SYT1: variants seen among roughly 807,000 people sequenced by gnomAD.
The protein encoded by SYT1 is synaptotagmin-1.
In SYT1, 8 loss-of-function variants were observed where a neutral mutation model predicts 44.8. That is an observed-to-expected ratio of 0.18 (90% CI 0.10 to 0.32). The LOEUF (loss-of-function observed/expected upper bound fraction) is 0.32, where lower values mean the gene tolerates loss of function less well. Among genes scored for constraint, SYT1 ranks in the 10% least tolerant of loss-of-function variants. The pLI, the probability that SYT1 is intolerant of heterozygous loss-of-function variation, is 1.00. For synonymous variants in SYT1, 154 were observed against 188.8 expected (o/e 0.82, Z 1.51); for missense variants, 286 against 509.3 (o/e 0.56, Z 4.22).
intron 3 of SYT1, among the ~76,000 whole-genome samples, chr12:79,083,190 G>A (rs1877153334): frequency 6.6e-6 from 1 of 152,106 alleles, no homozygotes; most frequent in African/African-American, 2.4e-5. Context: ...AAGCTCACTA[G>A]CAACTTCTGA....
intron 1 of SYT1, among the ~76,000 whole-genome samples, chr12:78,957,648 C>A (rs1273105529): frequency 6.6e-6 from 1 of 152,046 alleles, no homozygotes; most frequent in Non-Finnish European, 1.5e-5. Context: ...CTTTGCATTT[C>A]TTTGGGAGTC....
intron 1 of SYT1, among the ~76,000 whole-genome samples, chr12:78,953,128 G>A (rs893862075): frequency 1.3e-5 from 2 of 152,082 alleles, no homozygotes; most frequent in African/African-American, 4.8e-5. Flanking sequence ...AATAAAAAGA[G>A]CGGTGGTAGG....
Position 79,443,178 on chromosome 12 carries a change from G to A in SYT1, c.929-895G>A, listed in dbSNP as rs542574733. Among the ~76,000 whole-genome samples the A allele has an allele frequency of 1.8e-4, 28 of 152,238 alleles. 1 individual carries two copies. The highest frequency in any genetic ancestry group is 6.3e-4 in the African/African-American group (26 of 41,560). On this transcript the variant is annotated intron_variant, in intron 9 of 10. Transcript: ENST00000261205. The stretch of plus-strand genomic sequence containing the variant: ...ATGCTCCTTTTCCCATTACTTCAGT[G>A]TGTACCGGTCTCTTCTCTTTTCCTC...
chr12:79,049,852 A>G (rs937811950), intron 3 of SYT1, among the ~76,000 whole-genome samples: 1 of 152,094 alleles, frequency 6.6e-6, no homozygotes, highest in Admixed American at 6.6e-5. Flanking sequence ...TGATTAAAAT[A>G]TTACTATAAT....
At chr12:79,282,601 A>C (rs991557820) in intron 4 of SYT1, among the ~76,000 whole-genome samples, 2 of 152,082 alleles carry the variant, frequency 1.3e-5, no homozygotes, top group African/African-American at 4.8e-5. Context: ...TGTATTTAAA[A>C]AATCACTGCA....
At chr12:79,438,051 T>C (rs912932573) in intron 9 of SYT1, among the ~76,000 whole-genome samples, 5 of 152,124 alleles carry the variant, frequency 3.3e-5, no homozygotes, top group African/African-American at 9.7e-5. Context: ...AGGAATTATC[T>C]GGAAAAGAGA....
intron 9 of SYT1, among the ~76,000 whole-genome samples, chr12:79,413,841 A>T (rs1485186339): frequency 6.6e-6 from 1 of 152,238 alleles, no homozygotes; most frequent in East Asian, 1.9e-4. Flanking sequence ...GGTACAAATA[A>T]AAACAGGAAG....
chr12:79,290,912 C>T (rs1008387302), intron 5 of SYT1, among the ~76,000 whole-genome samples: 1 of 151,996 alleles, frequency 6.6e-6, no homozygotes, highest in African/African-American at 2.4e-5. Flanking sequence ...TCTTTTCAAC[C>T]TCAGGAAAAT....
At chr12:79,293,517 A>C (rs1212061520) in intron 6 of SYT1, among the ~76,000 whole-genome samples, 1 of 152,142 alleles carries the variant, frequency 6.6e-6, no homozygotes, top group Non-Finnish European at 1.5e-5. Flanking sequence ...TGAATGTAAA[A>C]TAAATACAGT....
chr12:79,264,673 G>A (rs1878026897), intron 4 of SYT1, among the ~76,000 whole-genome samples: 1 of 152,182 alleles, frequency 6.6e-6, no homozygotes, highest in Admixed American at 6.5e-5. Context: ...TTTACCTCAG[G>A]TAGTGTTAGC....
intron 10 of SYT1, among the ~76,000 whole-genome samples, chr12:79,445,355 A>C (rs141864106): frequency 6.6e-6 from 1 of 152,162 alleles, no homozygotes; most frequent in African/African-American, 2.4e-5. Context: ...ATTATATCAT[A>C]TGTTATTGTT....
intron 9 of SYT1, among the ~76,000 whole-genome samples, chr12:79,388,473 C>A (rs142005119): frequency 0.015 from 2,220 of 152,012 alleles, 26 homozygotes; most frequent in Non-Finnish European, 0.023. Flanking sequence ...GGTGGGTGGA[C>A]AACCTGAGTC....
At chr12:79,271,539 G>A (rs1256639994) in intron 4 of SYT1, among the ~76,000 whole-genome samples, 3 of 152,032 alleles carry the variant, frequency 2.0e-5, no homozygotes, top group Admixed American at 1.3e-4. Flanking sequence ...TTTAACACCT[G>A]GGAAATAAAT....
chr12:79,322,634 C>A (rs1226743843), intron 8 of SYT1, among the ~76,000 whole-genome samples: 2 of 152,152 alleles, frequency 1.3e-5, no homozygotes. Flanking sequence ...CTCCCTCAAA[C>A]TCTCGGGGCG....
At chr12:79,447,625 T>A (rs1442316507) in intron 10 of SYT1, among the ~76,000 whole-genome samples, 3 of 152,206 alleles carry the variant, frequency 2.0e-5, no homozygotes, top group Non-Finnish European at 4.4e-5. Flanking sequence ...TGCTTCCTGA[T>A]AAATTTGCTT....
chr12:79,228,386 G>A (rs752656483), intron 4 of SYT1, among the ~76,000 whole-genome samples: 25 of 152,078 alleles, frequency 1.6e-4, no homozygotes, highest in Non-Finnish European at 2.9e-4. Context: ...AAAGTCCCCA[G>A]ATACTTCCCG....
chr12:79,357,574 A>T (rs1271670183), intron 9 of SYT1, among the ~76,000 whole-genome samples: 1 of 152,228 alleles, frequency 6.6e-6, no homozygotes, highest in Non-Finnish European at 1.5e-5. Flanking sequence ...TAGAGAAGGT[A>T]CAACAAAAAT....
chr12:79,294,098 G>T (rs1433742801), intron 6 of SYT1, among the ~76,000 whole-genome samples: 29 of 151,932 alleles, frequency 1.9e-4, no homozygotes, highest in Admixed American at 1.9e-3. Flanking sequence ...ATATTTTCCA[G>T]TGGAAATCTA....
intron 9 of SYT1, among the ~76,000 whole-genome samples, chr12:79,400,959 A>G (rs936564991): frequency 2.6e-5 from 4 of 152,226 alleles, no homozygotes; most frequent in Non-Finnish European, 5.9e-5. Flanking sequence ...GAGACCCTGT[A>G]CTAGCAGTTA....
Sources: gnomAD v4.1 joint callset for allele counts (sites outside exome capture counted in the v4.1 genomes callset) on GRCh38, gnomAD v4.1.1 for gene constraint, MANE v1.5 for transcripts, NCBI Gene and HGNC (gene_info 2026-07-23, HGNC 2026-07-21) for gene names.